The following DCC variants were observed in gnomAD, a reference collection of about 807,000 sequenced individuals.
DCC encodes the protein netrin receptor DCC.
A neutral mutation model predicts 172.5 loss-of-function variants in DCC; 58 were observed. The ratio of observed to expected loss-of-function variants is 0.34; its 90% CI spans 0.27 to 0.42. The LOEUF is 0.42. Ranked by LOEUF, DCC falls within the 10% of genes least tolerant of loss-of-function variation. The pLI, the probability that DCC is intolerant of heterozygous loss-of-function variation, is 1.00. For missense variants in DCC, 1,740 were observed against 1,791.0 expected, an observed-to-expected ratio of 0.97 and a Z score of 0.51; for synonymous variants, 709 against 644.5, an observed-to-expected ratio of 1.10 and a Z score of -1.52.
chr18:53,440,020 C>T (rs934809782), intron 22 of DCC, among the ~76,000 whole-genome samples: 16 of 151,676 alleles, frequency 1.1e-4, no homozygotes, highest in Non-Finnish European at 2.1e-4. Flanking sequence ...CCGCCTCGGC[C>T]TCCCAAAGTG....
At chr18:53,205,775 C>T (rs577204631) in intron 10 of DCC, among the ~76,000 whole-genome samples, 4 of 152,162 alleles carry the variant, frequency 2.6e-5, no homozygotes, top group Non-Finnish European at 5.9e-5. Flanking sequence ...ACATTTATAT[C>T]TAACTCCCTT....
chr18:52,553,203 T>C (rs1242324936), intron 1 of DCC, among the ~76,000 whole-genome samples: 2 of 152,076 alleles, frequency 1.3e-5, no homozygotes, highest in Non-Finnish European at 2.9e-5. Context: ...TGTATATACA[T>C]ACTTATACAA....
At chr18:53,229,564 T>C (rs2056090446) in intron 12 of DCC, among the ~76,000 whole-genome samples, 1 of 152,138 alleles carries the variant, frequency 6.6e-6, no homozygotes, top group Non-Finnish European at 1.5e-5. Flanking sequence ...TTCAGTGACA[T>C]TATGCTGGCA....
At chr18:52,789,255 G>A (rs755477315) in intron 2 of DCC, among the ~76,000 whole-genome samples, 11 of 151,756 alleles carry the variant, frequency 7.2e-5, no homozygotes, top group Middle Eastern at 3.4e-3. Context: ...GAGAAAAACA[G>A]GTTTTTTCTC....
At chr18:53,332,432 G>A (rs1454660952) in intron 14 of DCC, among the ~76,000 whole-genome samples, 1 of 152,122 alleles carries the variant, frequency 6.6e-6, no homozygotes, top group Non-Finnish European at 1.5e-5. Context: ...AACAAAATTT[G>A]TAGAATAGCT....
At chr18:53,062,084 A>G (rs1426149076) in intron 5 of DCC, among the ~76,000 whole-genome samples, 1 of 150,366 alleles carries the variant, frequency 6.7e-6, no homozygotes, top group East Asian at 1.9e-4. Context: ...TCAATAATTA[A>G]TAAATAATTT....
chr18:53,215,399 A>T, intron 11 of DCC, 149 bp from the exon 12 acceptor site: 1 of 712,304 alleles, frequency 1.4e-6, no homozygotes, highest in Non-Finnish European at 2.5e-6. Context: ...TCATCTCTCC[A>T]AAAATTTTTG....
At chr18:52,646,576 T>G (rs879735426) in intron 1 of DCC, among the ~76,000 whole-genome samples, 2 of 152,186 alleles carry the variant, frequency 1.3e-5, no homozygotes, top group Non-Finnish European at 2.9e-5. Flanking sequence ...CTATCCTAGG[T>G]TCAATAATTT....
At chr18:53,082,934 T>C (rs2042827206) in intron 7 of DCC, among the ~76,000 whole-genome samples, 1 of 152,060 alleles carries the variant, frequency 6.6e-6, no homozygotes, top group Non-Finnish European at 1.5e-5. Flanking sequence ...ATTCTACATC[T>C]CACTGAATTT....
chr18:52,557,285 G>A (rs1444661284), intron 1 of DCC, among the ~76,000 whole-genome samples: 1 of 152,084 alleles, frequency 6.6e-6, no homozygotes, highest in African/African-American at 2.4e-5. Context: ...TAAATGTTGC[G>A]TCCCATTATG....
At chr18:53,175,195 C>G (rs1425161116) in intron 8 of DCC, among the ~76,000 whole-genome samples, 1 of 152,074 alleles carries the variant, frequency 6.6e-6, no homozygotes, top group Non-Finnish European at 1.5e-5. Flanking sequence ...TAAGAGCTAT[C>G]TATGACAAAC....
intron 2 of DCC, among the ~76,000 whole-genome samples, chr18:52,851,843 G>GTT (rs1276727369): frequency 6.6e-6 from 1 of 152,072 alleles, no homozygotes; most frequent in African/African-American, 2.4e-5. Context: ...GGGAATTGCT[G>GTT]TTTAAACAAC....
At chr18:52,614,063 A>ATTT (rs993268545) in intron 1 of DCC, among the ~76,000 whole-genome samples, 1 of 151,800 alleles carries the variant, frequency 6.6e-6, no homozygotes, top group African/African-American at 2.4e-5. Context: ...CGCTTTCCAA[A>ATTT]TTTTTTTTTC....
chr18:52,800,661 A>C (rs926646247), intron 2 of DCC, among the ~76,000 whole-genome samples: 2 of 152,156 alleles, frequency 1.3e-5, no homozygotes, highest in Admixed American at 1.3e-4. Flanking sequence ...TGAATCAGTG[A>C]CTTCTCATAA....
chr18:52,792,840 A>G lies in DCC; in HGVS notation c.412+40466A>G, dbSNP rs373348226. ...ATTCCATTCTATTCCATTCTATTCC[A>G]TTCCATTCCATTCCATTCGGGTTGA... On this transcript the variant is annotated intron_variant, in intron 2 of 28. Transcript: ENST00000442544. Among the ~76,000 whole-genome samples the G allele has an allele frequency of 5.4e-3, 751 of 139,316 alleles. 1 individual carries two copies. Among genetic ancestry groups the G allele is most frequent in the African/African-American group, 0.018 (691 of 38,836 alleles). 91.4% of individuals were successfully genotyped at this position (139,316 alleles called of 152,430 possible). A position where few individuals can be genotyped will look rare whatever the true frequency, so the allele number is the denominator to read the frequency against.
Position 52,613,224 on chromosome 18 carries a change from TTTTG to T in DCC, c.92-138814_92-138811del, listed in dbSNP as rs575521225. Among the ~76,000 whole-genome samples the T allele has an allele frequency of 4.8e-3, 738 of 152,218 alleles. 8 individuals are homozygous for T. The highest frequency in any genetic ancestry group is 0.015 in the African/African-American group (625 of 41,548). The stretch of plus-strand genomic sequence containing the variant: ...TGAAGGAGGTTTTCTTTTGTCTTGT[TTTTG>T]TTTGTTTGTTTGTTTTTGTTTTTTT... On this transcript the variant is annotated intron_variant, in intron 1 of 28. Transcript: ENST00000442544.
intron 2 of DCC, among the ~76,000 whole-genome samples, chr18:52,796,633 A>G (rs1019333003): frequency 1.3e-5 from 2 of 152,120 alleles, no homozygotes; most frequent in Non-Finnish European, 2.9e-5. Flanking sequence ...AGCATTTTGA[A>G]TATGTCATTC....
chr18:53,325,562 A>T (rs1215897680), intron 14 of DCC, among the ~76,000 whole-genome samples: 1 of 152,170 alleles, frequency 6.6e-6, no homozygotes, highest in Non-Finnish European at 1.5e-5. Context: ...ATTTAACTCC[A>T]TGTTTTTCAT....
intron 1 of DCC, among the ~76,000 whole-genome samples, chr18:52,407,880 G>A (rs943093161): frequency 1.3e-5 from 2 of 152,000 alleles, no homozygotes; most frequent in Admixed American, 6.6e-5. Flanking sequence ...GGCCATATAT[G>A]GAAAGCAATG....
Sources: gnomAD v4.1 joint callset for allele counts (sites outside exome capture counted in the v4.1 genomes callset) on GRCh38, gnomAD v4.1.1 for gene constraint, MANE v1.5 for transcripts, NCBI Gene and HGNC (gene_info 2026-07-23, HGNC 2026-07-21) for gene names.